Variants in NUP188 observed in about 807,000 individuals in gnomAD.
NUP188 encodes the protein nucleoporin NUP188.
A neutral mutation model predicts 223.0 loss-of-function variants in NUP188; 97 were observed. The observed-to-expected ratio is 0.43, with a 90% CI of 0.37 to 0.51. The LOEUF is 0.51. Among genes scored for constraint, NUP188 ranks in the 20% least tolerant of loss-of-function variants. The probability of loss-of-function intolerance (pLI) is 0.00; values close to 1 mark genes in which losing one functional copy is unlikely to be tolerated. For synonymous variants in NUP188, 869 were observed against 828.0 expected, an observed-to-expected ratio of 1.05 and a Z score of -0.85; for missense variants, 1,947 against 2,175.6, an observed-to-expected ratio of 0.89 and a Z score of 2.09.
chr9:128,992,873 C>T (rs1842456064), intron 25 of NUP188, among the ~76,000 whole-genome samples: 1 of 152,274 alleles, frequency 6.6e-6, no homozygotes, highest in East Asian at 1.9e-4. Context: ...CTTATAACAC[C>T]AAGTATTCTA....
intron 2 of NUP188, among the ~76,000 whole-genome samples, 166 bp downstream of exon 2, chr9:128,949,409 C>A (rs992207038): frequency 6.7e-6 from 1 of 149,590 alleles, no homozygotes; most frequent in Non-Finnish European, 1.5e-5. Context: ...CTCGGCTCAC[C>A]GCAACCTCCG....
chr9:128,982,688 T>C lies in NUP188; in HGVS notation c.1656T>C (p.Val552=). The change falls in exon 16 of 44, where the codon GTT becomes GTC. Residue 552 remains valine (V), a synonymous_variant. Coordinates refer to ENST00000372577, the MANE Select transcript of NUP188 (RefSeq NM_015354.3). ...GCGAGATTGAAATGTTGCTTCATGT[T>C]GTTTCAACTGCAGGTAAGGTCAGCT... ...FTCEIEMLLH[V]VSTADVIQHC... The C allele has an allele frequency of 1.9e-6, 3 of 1,613,964 alleles. No individual in the cohort carries two copies. Among genetic ancestry groups the C allele is most frequent in the Non-Finnish European group, 2.5e-6 (3 of 1,180,002 alleles).
rs748942434 is a variant in NUP188, at chr9:129,005,398, C to T, written c.4605C>T (p.Pro1535=). The T allele has an allele frequency of 1.2e-5, 19 of 1,611,920 alleles. No individual in the cohort carries two copies. Among genetic ancestry groups the T allele is most frequent in the Admixed American group, 1.7e-5 (1 of 60,010 alleles). ...CTGCCCCCTCCTCCTCAAAGCAGCC[C>T]GCTGCTGACACAGAGGCATCAGAGC... ...ASAAPSSSKQ[P]AADTEASEQQ... Residue 1535 remains proline, a synonymous_variant, in exon 40 of 44, where the codon CCC becomes CCT. Coordinates refer to ENST00000372577, the MANE Select transcript of NUP188 (RefSeq NM_015354.3).
chr9:128,986,062 T>C (rs1842329211), intron 20 of NUP188, among the ~76,000 whole-genome samples: 1 of 151,968 alleles, frequency 6.6e-6, no homozygotes, highest in Non-Finnish European at 1.5e-5. Flanking sequence ...AAAGATTGCA[T>C]ATAGAGATAG....
At chr9:128,995,257 G>A in intron 29 of NUP188, 62 bp from the exon 30 acceptor site, 1 of 1,368,632 alleles carries the variant, frequency 7.3e-7, no homozygotes, top group East Asian at 2.3e-5. Context: ...ACAAGGGTCT[G>A]TACCCATTAT....
At chr9:128,962,109 A>G (rs184703488) in intron 8 of NUP188, among the ~76,000 whole-genome samples, 37 of 149,264 alleles carry the variant, frequency 2.5e-4, no homozygotes, top group Middle Eastern at 3.5e-3. Context: ...CTAATTTTGT[A>G]TTTTGAGTAG....
At chr9:128,959,397 C>T (rs1310723492) in intron 8 of NUP188, among the ~76,000 whole-genome samples, 1 of 151,936 alleles carries the variant, frequency 6.6e-6, no homozygotes, top group Admixed American at 6.6e-5. Context: ...CCACCTCAGC[C>T]TCCCAAAGTG....
At position 128,981,380 on chromosome 9, in the gene NUP188, T is replaced by G. The variant is rs778112599; in HGVS notation, c.1506T>G (p.Leu502=). The part of the protein sequence containing the change: ...TLWRRQTPKL[L]YPLGGQTNLR... The stretch of plus-strand genomic sequence containing the variant: ...GGCGGAGACAAACACCCAAACTCCT[T>G]TATCCCCTTGGTGAGATAAAGAGAT... The change falls in exon 15 of 44, where the codon CTT becomes CTG. Residue 502 remains leucine (L), a synonymous_variant. Transcript: ENST00000372577. The G allele has an allele frequency of 3.7e-6, 6 of 1,613,028 alleles. No homozygotes were observed. The highest frequency in any genetic ancestry group is 5.1e-6 in the Non-Finnish European group (6 of 1,179,660).
At chr9:128,947,904 C>T (rs1310640233) in intron 1 of NUP188, 153 bp downstream of exon 1, 3 of 608,792 alleles carry the variant, frequency 4.9e-6, no homozygotes, top group African/African-American at 3.9e-5. Flanking sequence ...CGGTTACGTC[C>T]AAACGGTCCC....
At chr9:128,976,914 C>T (rs1842183785) in intron 12 of NUP188, among the ~76,000 whole-genome samples, 1 of 151,792 alleles carries the variant, frequency 6.6e-6, no homozygotes, top group South Asian at 2.1e-4. Context: ...CTGTCTCTAC[C>T]AAAAATACAA....
At chr9:128,965,989 G>T (rs2131150760) in intron 8 of NUP188, among the ~76,000 whole-genome samples, 1 of 151,746 alleles carries the variant, frequency 6.6e-6, no homozygotes, top group Non-Finnish European at 1.5e-5. Flanking sequence ...TAGAGATGGG[G>T]TCTCACCATG....
At chr9:128,961,278 C>T (rs991233411) in intron 8 of NUP188, among the ~76,000 whole-genome samples, 4 of 150,750 alleles carry the variant, frequency 2.7e-5, no homozygotes, top group East Asian at 3.9e-4. Flanking sequence ...TGCAGTGAGC[C>T]GAGATTGCAC....
intron 12 of NUP188, among the ~76,000 whole-genome samples, chr9:128,978,881 T>A (rs1472207733): frequency 6.6e-6 from 1 of 152,024 alleles, no homozygotes; most frequent in East Asian, 1.9e-4. Flanking sequence ...TGGCTAACTT[T>A]CGTATTTTTA....
chr9:128,973,589 A>G (rs917343582), intron 12 of NUP188, among the ~76,000 whole-genome samples: 1 of 151,926 alleles, frequency 6.6e-6, no homozygotes, highest in Non-Finnish European at 1.5e-5. Flanking sequence ...CACCATGTCG[A>G]CCAGGCTGGT....
intron 22 of NUP188, among the ~76,000 whole-genome samples, chr9:128,987,154 T>C (rs1354101737): frequency 6.6e-6 from 1 of 151,404 alleles, no homozygotes; most frequent in African/African-American, 2.4e-5. Context: ...TACACTAATA[T>C]ATTAATCATT....
intron 12 of NUP188, among the ~76,000 whole-genome samples, chr9:128,978,556 CAAAA>C (rs57813508): frequency 0.41 from 26,933 of 66,114 alleles, 3,053 homozygotes; most frequent in Non-Finnish European, 0.47. Flanking sequence ...GAGTGAGACT[CAAAA>C]AAAAAAAAAA....
intron 8 of NUP188, among the ~76,000 whole-genome samples, chr9:128,966,168 T>TGTGTGTGC (rs1316335087): frequency 7.8e-6 from 1 of 128,740 alleles, no homozygotes; most frequent in African/African-American, 2.9e-5. Flanking sequence ...TGTGTGTGTG[T>TGTGTGTGC]GCGTGTGCCC....
At chr9:129,006,467 T>C in intron 43 of NUP188, 35 bp from the exon 44 acceptor site, 1 of 1,611,964 alleles carries the variant, frequency 6.2e-7, no homozygotes, top group Non-Finnish European at 8.5e-7. Context: ...TAGCCAGATG[T>C]GCTGAGCCTC....
chr9:128,976,250 A>T (rs17485513), intron 12 of NUP188, among the ~76,000 whole-genome samples: 6,266 of 152,294 alleles, frequency 0.041, 437 homozygotes, highest in African/African-American at 0.14. Context: ...TTTGATGAGT[A>T]TCCTGAAAAC....
Sources: allele counts gnomAD v4.1 joint callset (sites outside exome capture counted in the v4.1 genomes callset), GRCh38; gene constraint gnomAD v4.1.1; transcripts MANE v1.5; gene names NCBI Gene and HGNC (gene_info 2026-07-23, HGNC 2026-07-21).